The following PPHLN1 variants were observed in gnomAD, a reference collection of about 807,000 sequenced individuals.
PPHLN1 encodes periphilin 1, also known as periphilin-1.
Under a neutral mutation model 51.3 loss-of-function variants are expected in PPHLN1, and 29 were observed. That is an observed-to-expected ratio of 0.57 (90% CI 0.42 to 0.77). The LOEUF (loss-of-function observed/expected upper bound fraction) is 0.77. Among genes scored for constraint, PPHLN1 ranks in the 30% least tolerant of loss-of-function variants. The pLI is 0.00. For missense variants in PPHLN1, 436 were observed against 438.4 expected, an observed-to-expected ratio of 0.99 and a Z score of 0.05; for synonymous variants, 147 against 147.8, an observed-to-expected ratio of 0.99 and a Z score of 0.04.
chr12:42,326,740 A>G (rs1182929369), intron 1 of PPHLN1, among the ~76,000 whole-genome samples: 2 of 152,186 alleles, frequency 1.3e-5, no homozygotes, highest in Non-Finnish European at 2.9e-5. Flanking sequence ...CTGTAAATCT[A>G]TAATGGCTAC....
intron 8 of PPHLN1, among the ~76,000 whole-genome samples, chr12:42,395,981 C>T (rs1198782627): frequency 6.6e-6 from 1 of 151,982 alleles, no homozygotes. Flanking sequence ...GTTGTGGTTC[C>T]TGCCACTTTT....
chr12:42,348,999 A>G (rs2072793518), intron 2 of PPHLN1, among the ~76,000 whole-genome samples: 2 of 152,204 alleles, frequency 1.3e-5, no homozygotes, highest in Admixed American at 6.5e-5. Context: ...CATGGGAAAA[A>G]TTAGTTAGAT....
chr12:42,364,867 A>C (rs1284060819), intron 4 of PPHLN1, among the ~76,000 whole-genome samples: 1 of 152,184 alleles, frequency 6.6e-6, no homozygotes, highest in African/African-American at 2.4e-5. Flanking sequence ...TTTGCAGGCG[A>C]AGGCGTGCTG....
chr12:42,400,792 TCTC>T (rs1565944422), intron 9 of PPHLN1, among the ~76,000 whole-genome samples: 128 of 134,510 alleles, frequency 9.5e-4, no homozygotes, highest in East Asian at 6.2e-3. Context: ...TCTCTCTCTC[TCTC>T]TTTCACACAC....
At chr12:42,431,857 G>A in intron 9 of PPHLN1, 2 of 1,579,522 alleles carry the variant, frequency 1.3e-6, no homozygotes, top group African/African-American at 1.3e-5. Flanking sequence ...TTCAATAACT[G>A]AAGCTGTATC....
At position 42,335,831 on chromosome 12, in the gene PPHLN1, C is replaced by G. The variant is rs368964869; in HGVS notation, c.-20-52C>G. 318 of 1,059,856 alleles carry G rather than the reference C, an allele frequency of 3.0e-4. 1 individual carries two copies. The highest frequency in any genetic ancestry group is 3.7e-4 in the Non-Finnish European group (282 of 762,162). The allele number at this position is 1,059,856 out of a possible 1,614,324, so 65.7% of individuals were successfully genotyped here. ...AAGTAATCATTTACTCCTTCCTTAC[C>G]TTTTCTGTTACTTCCTAGTATAAAA... On this transcript the variant is annotated intron_variant, in intron 1 of 9. Coordinates refer to ENST00000358314, the MANE Select transcript of PPHLN1 (RefSeq NM_201439.2).
At chr12:42,361,534 A>G (rs928333437) in intron 4 of PPHLN1, 1 of 152,158 alleles carries the variant, frequency 6.6e-6, no homozygotes, top group Non-Finnish European at 1.5e-5. Flanking sequence ...ATAGATGCCT[A>G]TTTTATTCAG....
chr12:42,366,692 T>C (rs771946231), intron 4 of PPHLN1, among the ~76,000 whole-genome samples: 3 of 151,988 alleles, frequency 2.0e-5, no homozygotes, highest in Non-Finnish European at 4.4e-5. Context: ...CCCCAGTGAG[T>C]TGGCATTTTA....
At chr12:42,393,739 A>T in intron 8 of PPHLN1, 50 bp downstream of exon 8, 1 of 1,512,248 alleles carries the variant, frequency 6.6e-7, no homozygotes, top group Non-Finnish European at 8.9e-7. Flanking sequence ...TTTTGTCTGG[A>T]TTTTAAATTA....
At chr12:42,352,483 C>T (rs2073486879) in intron 3 of PPHLN1, among the ~76,000 whole-genome samples, 1 of 151,034 alleles carries the variant, frequency 6.6e-6, no homozygotes, top group Admixed American at 6.6e-5. Flanking sequence ...GATCTCGGCT[C>T]ACTGCAACCT....
At chr12:42,347,673 G>A (rs1424005769) in intron 2 of PPHLN1, among the ~76,000 whole-genome samples, 1 of 152,068 alleles carries the variant, frequency 6.6e-6, no homozygotes, top group South Asian at 2.1e-4. Flanking sequence ...CCAACTACTC[G>A]GGAGGCTGAG....
At position 42,384,770 on chromosome 12, in the gene PPHLN1, T is replaced by C. The variant is rs1047146797; in HGVS notation, c.512-170T>C. Among the ~76,000 whole-genome samples, 5 of 152,206 alleles carry C rather than the reference T, an allele frequency of 3.3e-5. No individual in the cohort carries two copies. In the South Asian group the frequency reaches 1.0e-3, roughly 32 times the overall value. ...TCTCCCATTATTTATTCCCCTTCAC[T>C]GGTGATTGCTCAGGCAGCCCAACTT... On this transcript the variant is annotated intron_variant, in intron 5 of 9. Coordinates refer to ENST00000358314, the MANE Select transcript of PPHLN1 (RefSeq NM_201439.2).
At position 42,399,501 on chromosome 12, in the gene PPHLN1, A is replaced by C. The variant is rs142916582; in HGVS notation, c.909+507A>C. ...ACTATTATGGGGTTATTTTCATTTT[A>C]TGAGGATTAAATGAAGTAAATGTGA... is the stretch of plus-strand genomic sequence containing the variant. On this transcript the variant is annotated intron_variant, in intron 9 of 9. Transcript: ENST00000358314. 6.2e-4 allele frequency: 513 copies of C among 825,966 alleles called. 2 individuals are homozygous for C. The African/African-American group carries it at 9.0e-3, about 15-fold the overall frequency. 51.2% of individuals were successfully genotyped at this position (825,966 alleles called of 1,614,324 possible).
At chr12:42,353,822 T>G (rs2073703679) in intron 3 of PPHLN1, among the ~76,000 whole-genome samples, 1 of 152,162 alleles carries the variant, frequency 6.6e-6, no homozygotes, top group African/African-American at 2.4e-5. Context: ...TGAAAATGAT[T>G]TTTTTTCTAA....
At chr12:42,397,957 C>CAA (rs2078417892) in intron 8 of PPHLN1, among the ~76,000 whole-genome samples, 1 of 149,240 alleles carries the variant, frequency 6.7e-6, no homozygotes. Context: ...CTCTTGACCT[C>CAA]GTGATCCGCC....
At chr12:42,376,585 G>C (rs1257829469) in intron 5 of PPHLN1, among the ~76,000 whole-genome samples, 1 of 152,164 alleles carries the variant, frequency 6.6e-6, no homozygotes, top group Admixed American at 6.5e-5. Flanking sequence ...CCAGGAGTTT[G>C]AGACCAGCCT....
At chr12:42,349,652 A>G (rs557258442) in intron 2 of PPHLN1, among the ~76,000 whole-genome samples, 20 of 152,266 alleles carry the variant, frequency 1.3e-4, no homozygotes, top group African/African-American at 4.8e-4. Flanking sequence ...AACAAAGCAC[A>G]TCTTGCACCG....
At chr12:42,414,906 TTC>T (rs2080234600) in intron 9 of PPHLN1, among the ~76,000 whole-genome samples, 1 of 152,244 alleles carries the variant, frequency 6.6e-6, no homozygotes, top group Admixed American at 6.5e-5. Flanking sequence ...GCTCATGTTA[TTC>T]TCTCTTATGT....
intron 1 of PPHLN1, among the ~76,000 whole-genome samples, chr12:42,328,744 C>G (rs770379647): frequency 6.6e-6 from 1 of 152,074 alleles, no homozygotes; most frequent in Non-Finnish European, 1.5e-5. Flanking sequence ...GTGTCTTGCT[C>G]TGTTGCCCAG....
Sources: allele counts gnomAD v4.1 joint callset (sites outside exome capture counted in the v4.1 genomes callset), GRCh38; gene constraint gnomAD v4.1.1; transcripts MANE v1.5; gene names NCBI Gene and HGNC (gene_info 2026-07-23, HGNC 2026-07-21).